Variants in PDZD2 observed in about 807,000 individuals in gnomAD.
PDZD2 encodes PDZ domain-containing protein 2.
PDZD2 carries 90 observed loss-of-function variants against 220.7 expected under a neutral mutation model. That is an observed-to-expected ratio of 0.41 (90% confidence interval 0.34 to 0.49). The LOEUF is 0.49. PDZD2 is among the 20% of genes least tolerant of loss of function. The pLI is 0.28. For missense variants in PDZD2, 3,174 were observed against 3,608.5 expected (o/e 0.88, Z 3.08); for synonymous variants, 1,375 against 1,450.5 (o/e 0.95, Z 1.18).
intron 14 of PDZD2, among the ~76,000 whole-genome samples, chr5:32,068,549 A>G (rs931100538): frequency 1.3e-5 from 2 of 152,208 alleles, no homozygotes; most frequent in Non-Finnish European, 2.9e-5. Context: ...ACAGGCTGGC[A>G]TTAAACTTTC....
In PDZD2 at chr5:31,759,436, T is replaced by C. The variant is rs16901531; in HGVS notation, c.-360-39453T>C. Among the ~76,000 whole-genome samples the C allele has an allele frequency of 3.7e-3, 559 of 152,212 alleles. 2 individuals are homozygous for C. The highest frequency in any genetic ancestry group is 0.012 in the African/African-American group (512 of 41,528). On this transcript the variant is annotated intron_variant, in intron 1 of 24. Coordinates refer to ENST00000438447, the MANE Select transcript of PDZD2 (RefSeq NM_178140.4). ...TAGTCAGAGGCCAACATGTGGCCCATGGAACATTGTTAGGTGATTCTCCAA... is the reference window on the plus strand; with the variant it reads ...TAGTCAGAGGCCAACATGTGGCCCACGGAACATTGTTAGGTGATTCTCCAA...
At chr5:32,104,809 A>G (rs1744605782) in intron 24 of PDZD2, among the ~76,000 whole-genome samples, 1 of 151,334 alleles carries the variant, frequency 6.6e-6, no homozygotes, top group Non-Finnish European at 1.5e-5. Context: ...TGATTAGAAG[A>G]TATTTACAAT....
rs1184898001 is a variant in PDZD2, at chr5:31,988,484, C to CTCCTGGCATGTGGATGTATTCACCA, written c.978+4835_978+4859dup. On this transcript the variant is annotated intron_variant, in intron 3 of 24. Transcript: ENST00000438447. ...CTCCTGGCATGTGGATGTATTCACC[C>CTCCTGGCATGTGGATGTATTCACCA]TCCTGGCATGTGGATGTATTCACCA... 1.8e-4 allele frequency among the ~76,000 whole-genome samples: 26 copies of CTCCTGGCATGTGGATGTATTCACCA among 143,536 alleles called. 1 individual carries two copies. Among genetic ancestry groups the CTCCTGGCATGTGGATGTATTCACCA allele is most frequent in the South Asian group, 8.3e-4 (4 of 4,792 alleles). 94.2% of individuals were successfully genotyped at this position (143,536 alleles called of 152,430 possible). A position where few individuals can be genotyped will look rare whatever the true frequency, so the allele number is the denominator to read the frequency against.
intron 8 of PDZD2, among the ~76,000 whole-genome samples, chr5:32,049,683 G>A (rs564276711): frequency 5.9e-5 from 9 of 152,280 alleles, no homozygotes; most frequent in East Asian, 3.9e-4. Flanking sequence ...TGTTGCTTCC[G>A]ATGCCCTTTA....
chr5:31,806,825 TAAAAC>T (rs1328960522), intron 2 of PDZD2, among the ~76,000 whole-genome samples: 8 of 152,038 alleles, frequency 5.3e-5, no homozygotes, highest in Non-Finnish European at 1.0e-4. Flanking sequence ...TGGAATTAAT[TAAAAC>T]AAAACCCACA....
At chr5:32,069,202 G>A (rs537741343) in intron 14 of PDZD2, among the ~76,000 whole-genome samples, 1 of 150,648 alleles carries the variant, frequency 6.6e-6, no homozygotes, top group African/African-American at 2.4e-5. Flanking sequence ...GGAGGCGGAG[G>A]TTGCAGCGAG....
intron 2 of PDZD2, among the ~76,000 whole-genome samples, chr5:31,970,023 C>T (rs982251893): frequency 3.3e-5 from 5 of 151,902 alleles, no homozygotes; most frequent in Non-Finnish European, 7.4e-5. Flanking sequence ...CTCAGCCTCC[C>T]GAGTAGCTGG....
intron 2 of PDZD2, among the ~76,000 whole-genome samples, chr5:31,896,825 C>G (rs139630154): frequency 3.8e-4 from 58 of 152,324 alleles, no homozygotes; most frequent in African/African-American, 1.1e-3. Flanking sequence ...GGCATGGTGC[C>G]ATGCACCTGT....
At chr5:31,747,090 G>A (rs71627323) in intron 1 of PDZD2, among the ~76,000 whole-genome samples, 3,367 of 152,272 alleles carry the variant, frequency 0.022, 58 homozygotes, top group Middle Eastern at 0.037. Context: ...CAGGAGAATC[G>A]TTTGAACCTG....
chr5:31,806,333 C>G (rs1271170553), intron 2 of PDZD2, among the ~76,000 whole-genome samples: 2 of 152,186 alleles, frequency 1.3e-5, no homozygotes, highest in Admixed American at 6.5e-5. Context: ...ACAAAAAATT[C>G]AAGGCCATGG....
chr5:31,964,885 T>G (rs1748586204), intron 2 of PDZD2, among the ~76,000 whole-genome samples: 1 of 152,038 alleles, frequency 6.6e-6, no homozygotes, highest in East Asian at 1.9e-4. Flanking sequence ...CCGGCTAATT[T>G]TTTTGTATTT....
At chr5:31,793,903 G>A (rs979004884) in intron 1 of PDZD2, among the ~76,000 whole-genome samples, 1 of 152,154 alleles carries the variant, frequency 6.6e-6, no homozygotes, top group African/African-American at 2.4e-5. Context: ...CTAACTCATG[G>A]GTCATGTGTG....
At chr5:31,945,582 TTG>T (rs1746561414) in intron 2 of PDZD2, among the ~76,000 whole-genome samples, 1 of 152,068 alleles carries the variant, frequency 6.6e-6, no homozygotes, top group African/African-American at 2.4e-5. Context: ...AATTCTGTCT[TTG>T]GGTTTGGCTT....
intron 2 of PDZD2, among the ~76,000 whole-genome samples, chr5:31,903,519 A>T (rs1742297055): frequency 6.6e-6 from 1 of 151,292 alleles, no homozygotes; most frequent in African/African-American, 2.4e-5. Context: ...AGGGTGGCAC[A>T]TGCCTGTAGC....
Position 32,108,382 on chromosome 5 carries a change from C to A in PDZD2, c.*247C>A, listed in dbSNP as rs2111771803. 1 of 299,874 alleles carries A rather than the reference C, an allele frequency of 3.3e-6. No individual in the cohort carries two copies. Among genetic ancestry groups the A allele is most frequent in the Non-Finnish European group, 6.1e-6 (1 of 163,594 alleles). 18.6% of individuals were successfully genotyped at this position (299,874 alleles called of 1,614,324 possible). A position where few individuals can be genotyped will look rare whatever the true frequency, so the allele number is the denominator to read the frequency against. On this transcript the variant is annotated 3_prime_UTR_variant, in exon 25 of 25. Transcript: ENST00000438447. ...CCTTCGTTCCAGTGCCTGTCCCCTA[C>A]CTTTATGTTATGTTTACTGATGGGG... is the stretch of plus-strand genomic sequence containing the variant.
At chr5:31,839,248 A>G (rs1380063286) in intron 2 of PDZD2, among the ~76,000 whole-genome samples, 1 of 152,202 alleles carries the variant, frequency 6.6e-6, no homozygotes, top group African/African-American at 2.4e-5. Flanking sequence ...TGCTCCTTGA[A>G]GAAGACTTCG....
At position 32,071,698 on chromosome 5, in the gene PDZD2, G is replaced by A. The variant is rs573327975; in HGVS notation, c.2568+280G>A. Among the ~76,000 whole-genome samples the A allele has an allele frequency of 1.0e-3, 152 of 152,322 alleles. 1 individual carries two copies. The highest frequency in any genetic ancestry group is 1.6e-3 in the Admixed American group (25 of 15,306). On this transcript the variant is annotated intron_variant, in intron 16 of 24. Coordinates refer to ENST00000438447, the MANE Select transcript of PDZD2 (RefSeq NM_178140.4). ...TCAAACTGCTCCATAATAAAGCAGC[G>A]TGAGTCAGGACTTGGGGCTTTAAGG...
intron 1 of PDZD2, among the ~76,000 whole-genome samples, chr5:31,656,209 C>T (rs1745546286): frequency 6.6e-6 from 1 of 152,218 alleles, no homozygotes; most frequent in Non-Finnish European, 1.5e-5. Flanking sequence ...CATACTCCCA[C>T]CCAGAATGTT....
chr5:31,861,620 G>T (rs1467436122), intron 2 of PDZD2, among the ~76,000 whole-genome samples: 4 of 152,214 alleles, frequency 2.6e-5, no homozygotes, highest in Non-Finnish European at 5.9e-5. Context: ...TCACTGAAGT[G>T]AGGACTGCTT....
Sources: gnomAD v4.1 joint callset for allele counts (sites outside exome capture counted in the v4.1 genomes callset) on GRCh38, gnomAD v4.1.1 for gene constraint, MANE v1.5 for transcripts, NCBI Gene and HGNC (gene_info 2026-07-23, HGNC 2026-07-21) for gene names.